Variants in SRP14 observed in about 807,000 individuals in gnomAD.
The protein encoded by SRP14 is signal recognition particle 14.
SRP14 carries 1 observed loss-of-function variant against 16.0 expected under a neutral mutation model. The observed-to-expected ratio is 0.06, with a 90% CI of 0.02 to 0.30. The LOEUF is 0.30. Among genes scored for constraint, SRP14 ranks in the 10% least tolerant of loss-of-function variants. The pLI is 1.00. For missense variants in SRP14, 120 were observed against 163.1 expected, an observed-to-expected ratio of 0.74 and a Z score of 1.44; for synonymous variants, 67 against 60.1, an observed-to-expected ratio of 1.12 and a Z score of -0.53.
At chr15:40,038,031 A>G (rs1294602022) in intron 3 of SRP14, among the ~76,000 whole-genome samples, 1 of 152,268 alleles carries the variant, frequency 6.6e-6, no homozygotes. Context: ...TCCTTACAGT[A>G]CTACGAATAA....
At chr15:40,036,737 G>A (rs1265272744) in intron 4 of SRP14, 7 of 635,658 alleles carry the variant, frequency 1.1e-5, no homozygotes, top group African/African-American at 9.2e-5. Context: ...GAAAATTGCA[G>A]GCAACTTCTT....
intron 4 of SRP14, 161 bp from the exon 5 acceptor site, chr15:40,036,661 C>G (rs1237724833): frequency 4.0e-6 from 3 of 755,690 alleles, no homozygotes; most frequent in Non-Finnish European, 6.6e-6. Flanking sequence ...AACACTCTTT[C>G]ACATTATAGC....
At chr15:40,038,767 A>G in intron 2 of SRP14, 109 bp downstream of exon 2, 2 of 1,190,384 alleles carry the variant, frequency 1.7e-6, no homozygotes, top group Non-Finnish European at 1.2e-6. Context: ...TGCTCAGTAC[A>G]GGGTGGGGAA....
rs981273032 is a variant in SRP14, at chr15:40,036,508, A to T, written c.244-8T>A. Reference sequence around the variant, plus strand: ...AAGGAGGTTTGAATAAGCCTGAAAGATACAACAGAGCATACCTTAGTGGGA... The same window carrying T: ...AAGGAGGTTTGAATAAGCCTGAAAGTTACAACAGAGCATACCTTAGTGGGA... On this transcript the variant is annotated splice_region_variant and splice_polypyrimidine_tract_variant and intron_variant, in intron 4 of 4. Transcript: ENST00000267884. 1.2e-6 allele frequency: 2 copies of T among 1,613,206 alleles called. No individual in the cohort carries two copies. The highest frequency in any genetic ancestry group is 4.5e-5 in the East Asian group (2 of 44,852).
chr15:40,038,507 C>G lies in SRP14; in HGVS notation c.98-113G>C, dbSNP rs867168080. On this transcript the variant is annotated intron_variant, in intron 2 of 4. Transcript: ENST00000267884. ...GATGACCTAACCCAGCCCCGCTGCT[C>G]TAGTTTTGTTAAACACCTCATCTGC... The G allele has an allele frequency of 5.2e-4, 379 of 728,744 alleles. 4 individuals are homozygous for G. In the Middle Eastern group the frequency reaches 0.021, roughly 40 times the overall value. The allele number at this position is 728,744 out of a possible 1,614,324, so 45.1% of individuals were successfully genotyped here. A position where few individuals can be genotyped will look rare whatever the true frequency, so the allele number is the denominator to read the frequency against.
rs376995619 is a variant in SRP14, at chr15:40,039,145, C to T, written c.-29G>A. On this transcript the variant is annotated 5_prime_UTR_variant, in exon 1 of 5. Transcript: ENST00000267884. ...GGCGACGCTGGCTCGACTCCCTCCG[C>T]TTAAGCCCCTAGCAGTGAGAGCCGG... 1.2e-6 allele frequency: 2 copies of T among 1,605,018 alleles called. No individual in the cohort carries two copies. Among genetic ancestry groups the T allele is most frequent in the Non-Finnish European group, 1.7e-6 (2 of 1,177,294 alleles).
At chr15:40,038,704 G>A in intron 2 of SRP14, 172 bp downstream of exon 2, 1 of 702,176 alleles carries the variant, frequency 1.4e-6, no homozygotes, top group South Asian at 1.8e-5. Flanking sequence ...CTCAGTGCTG[G>A]GGACTGAGCC....
rs778760902 is a variant in SRP14 at position 40,036,380 on chromosome 15, TTGCTGCTGCGGCAGGTGCTGC to T, written c.343_363del (p.Ala115_Ala121del). 2 of 1,611,998 alleles carry T rather than the reference TTGCTGCTGCGGCAGGTGCTGC, an allele frequency of 1.2e-6. No individual in the cohort carries two copies. The highest frequency in any genetic ancestry group is 1.1e-5 in the South Asian group (1 of 90,758). On this transcript the variant is annotated inframe_deletion, in exon 5 of 5. Coordinates refer to ENST00000267884, the MANE Select transcript of SRP14 (RefSeq NM_003134.6). ...GTTGTTGCTGCTGTTGTTGGTGCTG[TTGCTGCTGCGGCAGGTGCTGC>T]TGCTGCTGCTGCTGCTGCTGCTTTG...
At chr15:40,038,623 G>A (rs1335095956) in intron 2 of SRP14, 1 of 607,694 alleles carries the variant, frequency 1.6e-6, no homozygotes, top group African/African-American at 1.8e-5. Context: ...TCAAAGTGGC[G>A]GCGTCTGGGA....
intron 3 of SRP14, chr15:40,037,424 TC>T: frequency 9.9e-7 from 1 of 1,012,700 alleles, no homozygotes; most frequent in South Asian, 1.7e-5. Flanking sequence ...TTTAAACTAC[TC>T]CCTCCCCATC....
At position 40,039,141 on chromosome 15, in the gene SRP14, T is replaced by A; in HGVS notation, c.-25A>T. 3 of 1,606,528 alleles carry A rather than the reference T, an allele frequency of 1.9e-6. No homozygotes were observed. Among genetic ancestry groups the A allele is most frequent in the South Asian group, 2.2e-5 (2 of 89,890 alleles). On this transcript the variant is annotated 5_prime_UTR_variant, in exon 1 of 5. Coordinates refer to ENST00000267884, the MANE Select transcript of SRP14 (RefSeq NM_003134.6). ...TCGCGGCGACGCTGGCTCGACTCCC[T>A]CCGCTTAAGCCCCTAGCAGTGAGAG...
chr15:40,039,026 A>G lies in SRP14; in HGVS notation c.24+67T>C, dbSNP rs370403955. ...CGCGTCAAGGCCCTGGTCCTCCTGC[A>G]GGAGGCACAGGTCTCGAGTAACGCC... is the stretch of plus-strand genomic sequence containing the variant. On this transcript the variant is annotated intron_variant, in intron 1 of 4. Coordinates refer to ENST00000267884, the MANE Select transcript of SRP14 (RefSeq NM_003134.6). 1.9e-6 allele frequency: 3 copies of G among 1,605,962 alleles called. No individual in the cohort carries two copies. In the African/African-American group the frequency reaches 4.0e-5, roughly 22 times the overall value.
At chr15:40,039,185 C>A (rs142384915), upstream of SRP14, 1,973 of 1,551,874 alleles carry the variant, frequency 1.3e-3, 25 homozygotes, top group South Asian at 0.012. Context: ...TCGGCCTAGG[C>A]TGGGCGGGAC....
chr15:40,036,019 GA>G lies in SRP14; in HGVS notation c.*313del. 5.8e-6 allele frequency: 2 copies of G among 344,826 alleles called. No individual in the cohort carries two copies. Among genetic ancestry groups the G allele is most frequent in the Admixed American group, 4.4e-5 (1 of 22,926 alleles). The allele number at this position is 344,826 out of a possible 1,614,324, so 21.4% of individuals were successfully genotyped here. On this transcript the variant is annotated 3_prime_UTR_variant, in exon 5 of 5. Transcript: ENST00000267884. ...TGCCAGAACTATTAAAATGGGTTGGGAAAGGAATAAAGAGACAGTGCTGATA... is the reference window on the plus strand; with the variant it reads ...TGCCAGAACTATTAAAATGGGTTGGGAAGGAATAAAGAGACAGTGCTGATA...
chr15:40,036,911 C>T, intron 4 of SRP14, 75 bp downstream of exon 4: 2 of 1,518,018 alleles, frequency 1.3e-6, no homozygotes, highest in Non-Finnish European at 1.8e-6. Context: ...ACCCAAGTAT[C>T]AATCTTACCC....
chr15:40,036,384 TGCTGCGGCA>T lies in SRP14; in HGVS notation c.351_359del (p.Ala119_Ala121del). On this transcript the variant is annotated inframe_deletion, in exon 5 of 5. Coordinates refer to ENST00000267884, the MANE Select transcript of SRP14 (RefSeq NM_003134.6). Reference sequence around the variant, plus strand: ...TTGCTGCTGTTGTTGGTGCTGTTGCTGCTGCGGCAGGTGCTGCTGCTGCTGCTGCTGCTG... The same window carrying T: ...TTGCTGCTGTTGTTGGTGCTGTTGCTGGTGCTGCTGCTGCTGCTGCTGCTG... The T allele has an allele frequency of 6.2e-7, 1 of 1,613,676 alleles. No individual in the cohort carries two copies. Among genetic ancestry groups the T allele is most frequent in the Non-Finnish European group, 8.5e-7 (1 of 1,179,678 alleles).
Position 40,039,089 on chromosome 15 carries a change from A to G in SRP14, c.24+4T>C. On this transcript the variant is annotated splice_donor_region_variant and intron_variant, in intron 1 of 4. Transcript: ENST00000267884. Reference sequence around the variant, plus strand: ...TTCCCTCGGCCGGCCAGGCCTAGCCATACCTGCTCGCTCTCCAACAACACC... The same window carrying G: ...TTCCCTCGGCCGGCCAGGCCTAGCCGTACCTGCTCGCTCTCCAACAACACC... The G allele has an allele frequency of 1.9e-6, 3 of 1,612,614 alleles. No homozygotes were observed. Among genetic ancestry groups the G allele is most frequent in the Non-Finnish European group, 1.7e-6 (2 of 1,179,634 alleles).
chr15:40,037,150 G>T, intron 3 of SRP14, 132 bp from the exon 4 acceptor site: 1 of 1,264,560 alleles, frequency 7.9e-7, no homozygotes, highest in Non-Finnish European at 1.1e-6. Flanking sequence ...CAACTTCAGG[G>T]TTCATAATAC....
intron 2 of SRP14, chr15:40,038,603 T>C: frequency 3.3e-6 from 2 of 607,504 alleles, no homozygotes; most frequent in East Asian, 5.5e-5. Context: ...CGAAGCACGT[T>C]AAATTCCACT....
Sources: gnomAD v4.1 joint callset for allele counts (sites outside exome capture counted in the v4.1 genomes callset) on GRCh38, gnomAD v4.1.1 for gene constraint, MANE v1.5 for transcripts, NCBI Gene and HGNC (gene_info 2026-07-23, HGNC 2026-07-21) for gene names.